The following TBC1D2 variants were observed in gnomAD, a reference collection of about 807,000 sequenced individuals.
TBC1D2 encodes TBC1 domain family member 2.
Under a neutral mutation model 91.1 loss-of-function variants are expected in TBC1D2, and 58 were observed. The observed-to-expected ratio is 0.64, with a 90% CI of 0.52 to 0.79. TBC1D2 has a LOEUF of 0.79. TBC1D2 is among the 30% of genes least tolerant of loss of function. The probability of loss-of-function intolerance (pLI) is 0.00; values close to 1 mark genes in which losing one functional copy is unlikely to be tolerated. For synonymous variants in TBC1D2, 482 were observed against 511.5 expected, an observed-to-expected ratio of 0.94 and a Z score of 0.78; for missense variants, 1,080 against 1,208.3, an observed-to-expected ratio of 0.89 and a Z score of 1.57.
Position 98,209,066 on chromosome 9 carries a change from T to C in TBC1D2, c.1752A>G (p.Ala584=), listed in dbSNP as rs3739666. Residue 584 remains alanine (A), a synonymous_variant, in exon 9 of 13, where the codon GCA becomes GCG. Coordinates refer to ENST00000465784, the MANE Select transcript of TBC1D2 (RefSeq NM_001267571.2). ...EDLKLLAKIQ[A]LESRSHHLLG... is the part of the protein sequence containing the mutation. ...GCAGGTGGTGGGATCGTGACTCCAATGCCTGGATCTTGGCCAGCAGCTTCA... is the reference window on the plus strand; with the variant it reads ...GCAGGTGGTGGGATCGTGACTCCAACGCCTGGATCTTGGCCAGCAGCTTCA... The C allele has an allele frequency of 0.58, 935,799 of 1,613,904 alleles. 273,256 individuals are homozygous for C. Among genetic ancestry groups the C allele is most frequent in the African/African-American group, 0.76 (56,821 of 74,950 alleles).
At chr9:98,209,313 T>C (rs1828750826) in intron 8 of TBC1D2, among the ~76,000 whole-genome samples, 169 bp from the exon 9 acceptor site, 1 of 152,158 alleles carries the variant, frequency 6.6e-6, no homozygotes, top group Admixed American at 6.5e-5. Flanking sequence ...ATTGCGAATC[T>C]GTATAATGCA....
intron 3 of TBC1D2, chr9:98,235,466 C>A: frequency 2.1e-6 from 1 of 471,672 alleles, no homozygotes. Context: ...GTCTGCTATT[C>A]AGGATAAAGA....
At position 98,204,704 on chromosome 9, in the gene TBC1D2, A is replaced by G. The variant is rs76581251; in HGVS notation, c.2151-1296T>C. Among the ~76,000 whole-genome samples, 666 of 152,316 alleles carry G rather than the reference A, an allele frequency of 4.4e-3. 6 individuals carry two copies. Among genetic ancestry groups the G allele is most frequent in the African/African-American group, 0.015 (616 of 41,568 alleles). ...GGAATTTCTCCCAAATTTGGTTCAGATATTTGTACAAAACCTTCCTAAGTC... is the reference window on the plus strand; with the variant it reads ...GGAATTTCTCCCAAATTTGGTTCAGGTATTTGTACAAAACCTTCCTAAGTC... On this transcript the variant is annotated intron_variant, in intron 9 of 12. Coordinates refer to ENST00000465784, the MANE Select transcript of TBC1D2 (RefSeq NM_001267571.2).
intron 2 of TBC1D2, among the ~76,000 whole-genome samples, chr9:98,250,149 A>G (rs922224687): frequency 6.6e-6 from 1 of 152,194 alleles, no homozygotes; most frequent in African/African-American, 2.4e-5. Flanking sequence ...AGAGAAGGCA[A>G]TGCTGGAGCT....
At position 98,255,351 on chromosome 9, in the gene TBC1D2, C is replaced by T. The variant is rs1184045974; in HGVS notation, c.191G>A (p.Trp64Ter). The T allele has an allele frequency of 6.2e-7, 1 of 1,614,246 alleles. No individual in the cohort carries two copies. The stretch of plus-strand genomic sequence containing the variant: ...GTCGTAGAAGAACCAGCGGGATTTC[C>T]AGCCCCGGATGGGCCCTTTGCCGCC... The part of the protein sequence containing the change: ...KFGGKGPIRG[W>*]KSRWFFYDER... The change falls in exon 1 of 13, where the codon TGG (tryptophan) becomes TAG (stop). Residue 64 changes from tryptophan (W) to a stop codon, truncating the protein, a stop_gained. Transcript: ENST00000465784. LOFTEE classifies it high-confidence loss of function.
intron 3 of TBC1D2, chr9:98,235,487 T>C: frequency 8.8e-6 from 4 of 453,190 alleles, no homozygotes; most frequent in Non-Finnish European, 1.7e-5. Flanking sequence ...AATGTGCTAC[T>C]ATTCAATTTT....
chr9:98,208,754 G>C lies in TBC1D2; in HGVS notation c.2064C>G (p.Thr688=). ...FPNNKHFTCP[T]SSFPDKLRRV... ...GGCGGAGCTTGTCGGGGAAGCTGGA[G>C]GTGGGGCAGGTGAAGTGTTTGTTGT... The change falls in exon 9 of 13, where the codon ACC becomes ACG. Residue 688 remains threonine (T), a synonymous_variant. Coordinates refer to ENST00000465784, the MANE Select transcript of TBC1D2 (RefSeq NM_001267571.2). 1.3e-6 allele frequency: 2 copies of C among 1,568,812 alleles called. No homozygotes were observed. Among genetic ancestry groups the C allele is most frequent in the Non-Finnish European group, 1.7e-6 (2 of 1,153,052 alleles).
At position 98,208,811 on chromosome 9, in the gene TBC1D2, C is replaced by T; in HGVS notation, c.2007G>A (p.Gln669=). Residue 669 remains glutamine (Q), a synonymous_variant, in exon 9 of 13, where the codon CAG becomes CAA. Transcript: ENST00000465784. ...AGGTCCGGTTCAGGTCCAGCTCAAT[C>T]TGGCGGGCAGCAGGGTGCTCGCGGG... ...GQAREHPAAR[Q]IELDLNRTFP... 6.2e-7 allele frequency: 1 copy of T among 1,603,240 alleles called. No homozygotes were observed. Among genetic ancestry groups the T allele is most frequent in the Non-Finnish European group, 8.5e-7 (1 of 1,172,006 alleles).
In TBC1D2 at chr9:98,199,299, C is replaced by A; in HGVS notation, c.*82G>T. 1 of 1,496,180 alleles carries A rather than the reference C, an allele frequency of 6.7e-7. No individual in the cohort carries two copies. The highest frequency in any genetic ancestry group is 9.2e-7 in the Non-Finnish European group (1 of 1,084,222). 92.7% of individuals were successfully genotyped at this position (1,496,180 alleles called of 1,614,324 possible). On this transcript the variant is annotated 3_prime_UTR_variant, in exon 13 of 13. Coordinates refer to ENST00000465784, the MANE Select transcript of TBC1D2 (RefSeq NM_001267571.2). ...TCACATGGTGATGGGACACCCAGGG[C>A]TGGGCCACTGGTCCGTGCCTGACCT...
rs748532614 is a variant in TBC1D2 at position 98,221,198 on chromosome 9, C to T, written c.1009G>A (p.Glu337Lys). 3.2e-6 allele frequency: 5 copies of T among 1,553,730 alleles called. No individual in the cohort carries two copies. The African/African-American group carries it at 4.1e-5, about 13-fold the overall frequency. Residue 337 changes from glutamate to lysine, a missense_variant, in exon 6 of 13, where the codon GAG becomes AAG. By Grantham distance (56) the Glu-to-Lys change is moderately conservative (BLOSUM62 1). Transcript: ENST00000465784. ...GCCCGCTTCTCCTGCTGGGCGGCCT[C>T]CAGTGCCTTGTGCAGGATCTTCACT... ...ELVKILHKAL[E>K]AAQQEKRASS...
rs1390579284 is a variant in TBC1D2 at position 98,201,776 on chromosome 9, G to GCTTCCTGCC, written c.2272-113_2272-112insGGCAGGAAG. On this transcript the variant is annotated intron_variant, in intron 10 of 12. Coordinates refer to ENST00000465784, the MANE Select transcript of TBC1D2 (RefSeq NM_001267571.2). Reference sequence around the variant, plus strand: ...ACACACAATCCTGAAGCTGCTCTGGGCAGGTCCTTTCCTGCCCAGGAGACA... The same window carrying GCTTCCTGCC: ...ACACACAATCCTGAAGCTGCTCTGGGCTTCCTGCCCAGGTCCTTTCCTGCCCAGGAGACA... 6 of 1,160,424 alleles carry GCTTCCTGCC rather than the reference G, an allele frequency of 5.2e-6. No homozygotes were observed. In the African/African-American group the frequency reaches 9.3e-5, roughly 18 times the overall value. 71.9% of individuals were successfully genotyped at this position (1,160,424 alleles called of 1,614,324 possible). A position where few individuals can be genotyped will look rare whatever the true frequency, so the allele number is the denominator to read the frequency against.
intron 9 of TBC1D2, among the ~76,000 whole-genome samples, chr9:98,203,970 C>T (rs1233270232): frequency 2.6e-5 from 4 of 152,204 alleles, no homozygotes; most frequent in African/African-American, 9.7e-5. Flanking sequence ...TACCTTGCCT[C>T]GCTCACTGCC....
Position 98,228,942 on chromosome 9 carries a change from C to T in TBC1D2, c.978+10G>A. The T allele has an allele frequency of 6.2e-7, 1 of 1,612,232 alleles. No homozygotes were observed. The highest frequency in any genetic ancestry group is 1.1e-5 in the South Asian group (1 of 90,988). On this transcript the variant is annotated intron_variant, in intron 5 of 12. Coordinates refer to ENST00000465784, the MANE Select transcript of TBC1D2 (RefSeq NM_001267571.2). This position sits in a 1 kb window ranked among gnomAD's most constrained non-coding sequence, Gnocchi z 4.0. Reference sequence around the variant, plus strand: ...CTGGAACCTGGGGCCTCCCTGGGACCAGACCTCACCTTCTGAGACTTTAAC... The same window carrying T: ...CTGGAACCTGGGGCCTCCCTGGGACTAGACCTCACCTTCTGAGACTTTAAC...
intron 1 of TBC1D2, among the ~76,000 whole-genome samples, chr9:98,252,877 C>T (rs1031548513): frequency 6.6e-6 from 1 of 152,144 alleles, no homozygotes; most frequent in African/African-American, 2.4e-5. Context: ...AGGCAAACTC[C>T]CTATCTCAGG....
intron 2 of TBC1D2, among the ~76,000 whole-genome samples, chr9:98,247,490 A>C (rs1457456115): frequency 6.6e-6 from 1 of 152,162 alleles, no homozygotes; most frequent in Non-Finnish European, 1.5e-5. Context: ...GCACTTTGGG[A>C]GGCGGAGGTG....
chr9:98,218,093 C>G (rs1030116627), intron 6 of TBC1D2, among the ~76,000 whole-genome samples: 1 of 152,118 alleles, frequency 6.6e-6, no homozygotes, highest in Admixed American at 6.5e-5. Context: ...TCAAGTAATC[C>G]TCCTGCCACA....
intron 3 of TBC1D2, among the ~76,000 whole-genome samples, chr9:98,242,891 C>T (rs1327766275): frequency 7.3e-6 from 1 of 137,908 alleles, no homozygotes; most frequent in Admixed American, 7.8e-5. Flanking sequence ...TGGCTTACTG[C>T]AGCCTTGACT....
At position 98,199,322 on chromosome 9, in the gene TBC1D2, C is replaced by A; in HGVS notation, c.*59G>T. ...GGCTGGGCCACTGGTCCGTGCCTGA[C>A]CTCCAGTGGGTCTGCCAGCCAAGGG... is the stretch of plus-strand genomic sequence containing the variant. On this transcript the variant is annotated 3_prime_UTR_variant, in exon 13 of 13. Transcript: ENST00000465784. 1 of 1,595,244 alleles carries A rather than the reference C, an allele frequency of 6.3e-7. No homozygotes were observed. The highest frequency in any genetic ancestry group is 1.7e-5 in the Admixed American group (1 of 59,742).
Position 98,208,884 on chromosome 9 carries a change from T to C in TBC1D2, c.1934A>G (p.His645Arg), listed in dbSNP as rs1828732288. The change falls in exon 9 of 13, where the codon CAC becomes CGC. Residue 645 changes from histidine (H) to arginine (R), a missense_variant. Transcript: ENST00000465784. ...CTGGTAGCAGCCTGGAGTGTGCAGG[T>C]GCTGGACACGGAGGTGGACCAGCCA... ...WRWLVHLRVQ[H>R]LHTPGCYQEL... 1.2e-6 allele frequency: 2 copies of C among 1,613,964 alleles called. No individual in the cohort carries two copies. Among genetic ancestry groups the C allele is most frequent in the Admixed American group, 1.7e-5 (1 of 59,998 alleles).
Sources: allele counts gnomAD v4.1 joint callset (sites outside exome capture counted in the v4.1 genomes callset), GRCh38; gene constraint gnomAD v4.1.1; non-coding constraint Gnocchi (gnomAD v3.1); transcripts MANE v1.5; gene names NCBI Gene and HGNC (gene_info 2026-07-23, HGNC 2026-07-21).